Variants in ADGRB3 observed in about 807,000 individuals in gnomAD.
The protein encoded by ADGRB3 is brain-specific angiogenesis inhibitor 3.
In ADGRB3, 37 loss-of-function variants were observed where a neutral mutation model predicts 193.4. The ratio of observed to expected loss-of-function variants is 0.19; its 90% CI spans 0.15 to 0.25. The LOEUF (loss-of-function observed/expected upper bound fraction) is 0.25, where lower values mean the gene tolerates loss of function less well. Ranked by LOEUF, ADGRB3 falls within the 10% of genes least tolerant of loss-of-function variation. ADGRB3 has a pLI of 1.00. For missense variants in ADGRB3, 1,637 were observed against 1,852.9 expected (o/e 0.88, Z 2.14); for synonymous variants, 690 against 644.2 (o/e 1.07, Z -1.08).
intron 17 of ADGRB3, among the ~76,000 whole-genome samples, chr6:69,221,604 G>A (rs1437463600): frequency 1.3e-5 from 2 of 152,076 alleles, no homozygotes; most frequent in East Asian, 1.9e-4. Flanking sequence ...GTAATTCATG[G>A]CCTCTTACAA....
In ADGRB3 at chr6:69,210,155, T is replaced by TATATATATATATATATATATATC. The variant is rs1309120179; in HGVS notation, c.2481-23120_2481-23119insTATATATCATATATATATATATA. The stretch of plus-strand genomic sequence containing the variant: ...ATCATATATTAATATATATCATATA[T>TATATATATATATATATATATATC]ATATATATATATATAAAGGGGAGTT... On this transcript the variant is annotated intron_variant, in intron 17 of 31. Transcript: ENST00000370598. 1.7e-5 allele frequency among the ~76,000 whole-genome samples: 2 copies of TATATATATATATATATATATATC among 121,032 alleles called. 1 individual carries two copies. The highest frequency in any genetic ancestry group is 6.9e-5 in the African/African-American group (2 of 29,012). 79.4% of individuals were successfully genotyped at this position (121,032 alleles called of 152,430 possible). A position where few individuals can be genotyped will look rare whatever the true frequency, so the allele number is the denominator to read the frequency against.
chr6:69,014,136 G>C, intron 12 of ADGRB3, 30 bp downstream of exon 12: 1 of 1,505,586 alleles, frequency 6.6e-7, no homozygotes, highest in Non-Finnish European at 9.0e-7. Flanking sequence ...AGAACTTGAA[G>C]TTGGCAAAAC....
chr6:69,171,305 A>G (rs1028700133), intron 17 of ADGRB3, among the ~76,000 whole-genome samples: 1 of 152,210 alleles, frequency 6.6e-6, no homozygotes, highest in Non-Finnish European at 1.5e-5. Context: ...AAGAACAAGA[A>G]AAGAAGAAAA....
intron 20 of ADGRB3, among the ~76,000 whole-genome samples, chr6:69,241,472 C>T (rs1332736437): frequency 4.6e-5 from 7 of 151,808 alleles, no homozygotes; most frequent in African/African-American, 1.2e-4. Context: ...TGGCTACATG[C>T]AGCTAGTGTC....
At chr6:69,086,554 T>C (rs920247091) in intron 17 of ADGRB3, among the ~76,000 whole-genome samples, 1 of 152,120 alleles carries the variant, frequency 6.6e-6, no homozygotes, top group Non-Finnish European at 1.5e-5. Context: ...GTTTACTAGG[T>C]TTTATGATAC....
intron 17 of ADGRB3, among the ~76,000 whole-genome samples, chr6:69,108,387 G>GC (rs36055393): frequency 0.025 from 3,394 of 137,968 alleles, 51 homozygotes; most frequent in Non-Finnish European, 0.035. Context: ...CAAGCTTCTT[G>GC]TTTTTTTTTT....
intron 3 of ADGRB3, among the ~76,000 whole-genome samples, chr6:68,853,061 A>C (rs894111842): frequency 2.6e-5 from 4 of 152,058 alleles, no homozygotes; most frequent in Non-Finnish European, 5.9e-5. Flanking sequence ...TTCATACCTG[A>C]AATATCATAT....
At chr6:69,251,852 T>C (rs1012503706) in intron 20 of ADGRB3, among the ~76,000 whole-genome samples, 1 of 152,178 alleles carries the variant, frequency 6.6e-6, no homozygotes, top group East Asian at 1.9e-4. Context: ...TAAGTTACTG[T>C]GATGTACATT....
intron 17 of ADGRB3, among the ~76,000 whole-genome samples, chr6:69,230,634 A>G (rs927895650): frequency 6.6e-6 from 1 of 152,246 alleles, no homozygotes; most frequent in African/African-American, 2.4e-5. Flanking sequence ...CATGAGTTTT[A>G]TATGATTTAA....
chr6:69,092,968 C>T (rs1166407969), intron 17 of ADGRB3, among the ~76,000 whole-genome samples: 1 of 148,542 alleles, frequency 6.7e-6, no homozygotes, highest in Admixed American at 6.7e-5. Context: ...GAGCAGTAGA[C>T]AGCCTAGGTT....
chr6:68,991,378 A>C (rs2150273936), intron 10 of ADGRB3, among the ~76,000 whole-genome samples: 1 of 149,404 alleles, frequency 6.7e-6, no homozygotes, highest in South Asian at 2.1e-4. Context: ...AGGCAGAAAA[A>C]TGAAAAAAAC....
rs916124945 is a variant in ADGRB3, at chr6:69,075,911, A to C, written c.2437-84A>C. ...CTTACCACAAGATAAGAAATCTTCC[A>C]TTCTGTTTCTATTTCACATAATCCC... is the stretch of plus-strand genomic sequence containing the variant. On this transcript the variant is annotated intron_variant, in intron 16 of 31. Coordinates refer to ENST00000370598, the MANE Select transcript of ADGRB3 (RefSeq NM_001704.3). 12 of 1,006,608 alleles carry C rather than the reference A, an allele frequency of 1.2e-5. No individual in the cohort carries two copies. The Admixed American group carries it at 2.0e-4, about 17-fold the overall frequency. The allele number at this position is 1,006,608 out of a possible 1,614,324, so 62.4% of individuals were successfully genotyped here. A position where few individuals can be genotyped will look rare whatever the true frequency, so the allele number is the denominator to read the frequency against.
intron 17 of ADGRB3, among the ~76,000 whole-genome samples, chr6:69,218,750 T>C (rs1765826975): frequency 6.6e-6 from 1 of 152,140 alleles, no homozygotes; most frequent in South Asian, 2.1e-4. Flanking sequence ...ATGAAAGTTG[T>C]AGTCAGTAGA....
chr6:68,913,705 C>T (rs185625414), intron 3 of ADGRB3, among the ~76,000 whole-genome samples: 350 of 152,236 alleles, frequency 2.3e-3, no homozygotes, highest in African/African-American at 7.9e-3. Flanking sequence ...ATGACTTTGA[C>T]GAGTTGAGAG....
At chr6:69,325,223 G>T (rs1768542064) in intron 21 of ADGRB3, among the ~76,000 whole-genome samples, 1 of 152,030 alleles carries the variant, frequency 6.6e-6, no homozygotes, top group African/African-American at 2.4e-5. Context: ...TGCTCATTTA[G>T]CTAGTCAGTT....
intron 17 of ADGRB3, among the ~76,000 whole-genome samples, chr6:69,083,714 T>A (rs777830664): frequency 3.2e-4 from 48 of 151,772 alleles, no homozygotes; most frequent in Non-Finnish European, 5.9e-4. Flanking sequence ...GCATCGAAAA[T>A]GTGTAAAGGA....
At chr6:69,123,258 G>T (rs1329237741) in intron 17 of ADGRB3, among the ~76,000 whole-genome samples, 1 of 152,040 alleles carries the variant, frequency 6.6e-6, no homozygotes, top group African/African-American at 2.4e-5. Flanking sequence ...TGTAATATAG[G>T]TGACTAAATA....
At chr6:68,978,709 A>G (rs1381012814) in intron 10 of ADGRB3, among the ~76,000 whole-genome samples, 1 of 151,456 alleles carries the variant, frequency 6.6e-6, no homozygotes, top group Non-Finnish European at 1.5e-5. Context: ...AGAACATTTG[A>G]GACTTCCTCA....
chr6:68,781,623 A>T (rs1349053826), intron 3 of ADGRB3, among the ~76,000 whole-genome samples: 2 of 152,078 alleles, frequency 1.3e-5, no homozygotes, highest in Non-Finnish European at 2.9e-5. Context: ...AGGAAATTTA[A>T]TATGGATAAT....
Sources: allele counts gnomAD v4.1 joint callset (sites outside exome capture counted in the v4.1 genomes callset), GRCh38; gene constraint gnomAD v4.1.1; transcripts MANE v1.5; gene names NCBI Gene and HGNC (gene_info 2026-07-23, HGNC 2026-07-21).